The following SLC24A2 variants were observed in gnomAD, a reference collection of about 807,000 sequenced individuals.
SLC24A2 encodes the protein sodium/potassium/calcium exchanger 2.
Under a neutral mutation model 62.0 loss-of-function variants are expected in SLC24A2, and 36 were observed. That is an observed-to-expected ratio of 0.58 (90% CI 0.44 to 0.77). The LOEUF (loss-of-function observed/expected upper bound fraction) is 0.77, where lower values mean the gene tolerates loss of function less well. Among genes scored for constraint, SLC24A2 ranks in the 30% least tolerant of loss-of-function variants. SLC24A2 has a pLI of 0.00. For synonymous variants in SLC24A2, 358 were observed against 294.0 expected (o/e 1.22, Z -2.23); for missense variants, 846 against 817.9 (o/e 1.03, Z -0.42).
chr9:19,987,177 C>G, the SLC24A2 span, among the ~76,000 whole-genome samples: 1 of 151,900 alleles, frequency 6.6e-6, no homozygotes, highest in African/African-American at 2.4e-5. Context: ...GTGTGGGGGA[C>G]AACGAGTTTA....
chr9:20,060,802 A>G, the SLC24A2 span, among the ~76,000 whole-genome samples: 1 of 152,224 alleles, frequency 6.6e-6, no homozygotes, highest in East Asian at 1.9e-4. Flanking sequence ...GGGAACACAC[A>G]CACACAATGT....
At chr9:20,049,006 T>C in the SLC24A2 span, among the ~76,000 whole-genome samples, 2 of 152,192 alleles carry the variant, frequency 1.3e-5, no homozygotes, top group African/African-American at 4.8e-5. Context: ...TATGTATACA[T>C]GTGCCATGTT....
chr9:20,271,738 T>G, the SLC24A2 span, among the ~76,000 whole-genome samples: 1 of 152,206 alleles, frequency 6.6e-6, no homozygotes. Context: ...TTTATTTTAC[T>G]TGGACTCCGT....
At chr9:19,602,681 T>C (rs1291310204) in intron 4 of SLC24A2, among the ~76,000 whole-genome samples, 1 of 152,222 alleles carries the variant, frequency 6.6e-6, no homozygotes. Context: ...GAGTGTGTTC[T>C]GGGGTCCAAC....
the SLC24A2 span, among the ~76,000 whole-genome samples, chr9:19,820,060 T>C: frequency 1.6e-3 from 182 of 112,846 alleles, 5 homozygotes; most frequent in East Asian, 7.8e-3. Context: ...TATATACACA[T>C]ATATATATAT....
chr9:20,077,788 G>C, the SLC24A2 span, among the ~76,000 whole-genome samples: 8 of 152,256 alleles, frequency 5.3e-5, no homozygotes, highest in East Asian at 1.4e-3. Flanking sequence ...AGTCATCCCT[G>C]GTAATCCTTT....
chr9:19,512,888 C>T lies in SLC24A2; in HGVS notation c.*3265G>A, dbSNP rs1832770215. The T allele has an allele frequency of 6.6e-6, 1 of 151,966 alleles. No individual in the cohort carries two copies. The highest frequency in any genetic ancestry group is 1.5e-5 in the Non-Finnish European group (1 of 68,002). 9.4% of individuals were successfully genotyped at this position (151,966 alleles called of 1,614,324 possible). A position where few individuals can be genotyped will look rare whatever the true frequency, so the allele number is the denominator to read the frequency against. On this transcript the variant is annotated 3_prime_UTR_variant, in exon 11 of 11. Coordinates refer to ENST00000341998, the MANE Select transcript of SLC24A2 (RefSeq NM_020344.4). ...CTCTATATCAGCATTAGGGATATGGCTGACCGATTTCCTTAAGGCTATAAA... is the reference window on the plus strand; with the variant it reads ...CTCTATATCAGCATTAGGGATATGGTTGACCGATTTCCTTAAGGCTATAAA...
At chr9:20,300,443 C>A in the SLC24A2 span, among the ~76,000 whole-genome samples, 11 of 152,322 alleles carry the variant, frequency 7.2e-5, no homozygotes, top group South Asian at 2.1e-3. Context: ...GAAACTACCT[C>A]TAACAGTGCC....
Position 19,512,314 on chromosome 9 carries a change from G to C in SLC24A2, c.*3839C>G, listed in dbSNP as rs556409678. On this transcript the variant is annotated 3_prime_UTR_variant, in exon 11 of 11. Coordinates refer to ENST00000341998, the MANE Select transcript of SLC24A2 (RefSeq NM_020344.4). ...TGATGGCCCTTGTCAGGTGACACCT[G>C]TTAGAAGCCTTACAAAGCATTTTTC... 26 of 152,354 alleles carry C rather than the reference G, an allele frequency of 1.7e-4. No homozygotes were observed. Among genetic ancestry groups the C allele is most frequent in the African/African-American group, 5.8e-4 (24 of 41,586 alleles). The allele number at this position is 152,354 out of a possible 1,614,324, so 9.4% of individuals were successfully genotyped here.
At chr9:19,980,588 G>C in the SLC24A2 span, among the ~76,000 whole-genome samples, 1 of 152,142 alleles carries the variant, frequency 6.6e-6, no homozygotes, top group East Asian at 1.9e-4. Flanking sequence ...GAAAGGAATA[G>C]AGAGAATGTT....
chr9:20,041,407 G>C, the SLC24A2 span, among the ~76,000 whole-genome samples: 1 of 152,226 alleles, frequency 6.6e-6, no homozygotes, highest in African/African-American at 2.4e-5. Flanking sequence ...GCCTGCTGTG[G>C]CAATCAGCTT....
the SLC24A2 span, among the ~76,000 whole-genome samples, chr9:19,924,721 G>A: frequency 5.9e-5 from 9 of 152,184 alleles, no homozygotes; most frequent in Non-Finnish European, 1.3e-4. Context: ...TAAAGGAGGA[G>A]AAAAGAAGAC....
chr9:19,603,610 T>G (rs996421777), intron 4 of SLC24A2, among the ~76,000 whole-genome samples: 8 of 152,178 alleles, frequency 5.3e-5, no homozygotes, highest in African/African-American at 1.4e-4. Flanking sequence ...CTGTCTTTTC[T>G]GCTCCATTTC....
At chr9:19,957,661 T>A in the SLC24A2 span, 1 of 152,374 alleles carries the variant, frequency 6.6e-6, no homozygotes, top group African/African-American at 2.4e-5. Flanking sequence ...TCTGTCTTTA[T>A]CCCCATTTCT....
chr9:20,061,825 T>C, the SLC24A2 span, among the ~76,000 whole-genome samples: 2 of 151,502 alleles, frequency 1.3e-5, no homozygotes, highest in Non-Finnish European at 2.9e-5. Flanking sequence ...AAAAAAAAAA[T>C]ACCTGGTAAA....
the SLC24A2 span, among the ~76,000 whole-genome samples, chr9:20,140,871 C>T: frequency 6.6e-6 from 1 of 152,132 alleles, no homozygotes; most frequent in African/African-American, 2.4e-5. Context: ...CCTGCCTTTC[C>T]AAAATTGAAA....
At chr9:19,535,601 AC>A (rs1223506245) in intron 8 of SLC24A2, among the ~76,000 whole-genome samples, 2 of 152,198 alleles carry the variant, frequency 1.3e-5, no homozygotes, top group African/African-American at 4.8e-5. Flanking sequence ...ACCATTGATT[AC>A]ATAGGGAATC....
At chr9:20,215,462 T>C in the SLC24A2 span, among the ~76,000 whole-genome samples, 1 of 152,098 alleles carries the variant, frequency 6.6e-6, no homozygotes, top group East Asian at 1.9e-4. Flanking sequence ...AAAAAAAGTT[T>C]AATAATTTTT....
chr9:20,114,984 G>C, the SLC24A2 span, among the ~76,000 whole-genome samples: 1 of 152,112 alleles, frequency 6.6e-6, no homozygotes, highest in Non-Finnish European at 1.5e-5. Context: ...CTCAAAGAAA[G>C]GCCAGAAGGT....
Sources: gnomAD v4.1 joint callset for allele counts (sites outside exome capture counted in the v4.1 genomes callset) on GRCh38, gnomAD v4.1.1 for gene constraint, MANE v1.5 for transcripts, NCBI Gene and HGNC (gene_info 2026-07-23, HGNC 2026-07-21) for gene names.